Variants in MCMBP observed in about 807,000 individuals in gnomAD.
The protein encoded by MCMBP is minichromosome maintenance complex binding protein.
In MCMBP, 31 loss-of-function variants were observed where a neutral mutation model predicts 81.3. That is an observed-to-expected ratio of 0.38 (90% CI 0.29 to 0.51). The LOEUF is 0.51. Ranked by LOEUF, MCMBP falls within the 20% of genes least tolerant of loss-of-function variation. MCMBP has a pLI of 0.87. For missense variants in MCMBP, 645 were observed against 772.1 expected, an observed-to-expected ratio of 0.84 and a Z score of 1.95; for synonymous variants, 267 against 275.9, an observed-to-expected ratio of 0.97 and a Z score of 0.32.
intron 2 of MCMBP, 88 bp from the exon 3 acceptor site, chr10:119,859,269 A>C: frequency 2.7e-6 from 3 of 1,093,590 alleles, no homozygotes; most frequent in Admixed American, 2.4e-5. Context: ...TCCAGACTCA[A>C]ACTGTTACAC....
At chr10:119,835,200 AT>A (rs1355469255) in intron 14 of MCMBP, among the ~76,000 whole-genome samples, 6 of 152,352 alleles carry the variant, frequency 3.9e-5, no homozygotes, top group African/African-American at 1.4e-4. Context: ...TCTTTGTATA[AT>A]ATAATTAAAA....
chr10:119,859,346 A>ATAATT (rs1157807538), intron 2 of MCMBP, among the ~76,000 whole-genome samples, 165 bp from the exon 3 acceptor site: 2 of 152,130 alleles, frequency 1.3e-5, no homozygotes, highest in Admixed American at 1.3e-4. Flanking sequence ...AATGGTCAAT[A>ATAATT]TAATTGCTGG....
chr10:119,860,397 T>G (rs935702547), intron 1 of MCMBP, among the ~76,000 whole-genome samples: 3 of 152,186 alleles, frequency 2.0e-5, no homozygotes, highest in Non-Finnish European at 4.4e-5. Context: ...CATCTCATAT[T>G]TTTTCTGACT....
At chr10:119,841,291 A>C (rs907305852) in intron 10 of MCMBP, among the ~76,000 whole-genome samples, 2 of 152,236 alleles carry the variant, frequency 1.3e-5, no homozygotes, top group African/African-American at 4.8e-5. Flanking sequence ...TCTAAATGGA[A>C]GCTGACAGAG....
upstream of MCMBP, among the ~76,000 whole-genome samples, chr10:119,873,026 C>T (rs1234406591): frequency 2.0e-5 from 3 of 151,838 alleles, no homozygotes; most frequent in Non-Finnish European, 4.4e-5. Context: ...GGCTGCGCAG[C>T]GCGGGGCCCG....
intron 1 of MCMBP, among the ~76,000 whole-genome samples, chr10:119,865,894 A>G (rs1427971191): frequency 6.6e-6 from 1 of 151,464 alleles, no homozygotes; most frequent in Non-Finnish European, 1.5e-5. Context: ...TGGGCAACAT[A>G]GTGAGACCCC....
chr10:119,838,661 A>G lies in MCMBP; in HGVS notation c.1282T>C (p.Leu428=), dbSNP rs12772291. The G allele has an allele frequency of 0.022, 35,935 of 1,613,996 alleles. 456 individuals carry two copies. The highest frequency in any genetic ancestry group is 0.026 in the Non-Finnish European group (31,023 of 1,179,902). The change falls in exon 12 of 16, where the codon TTG becomes CTG. Residue 428 remains leucine (L), a synonymous_variant. Transcript: ENST00000369077. ...TAGTCTTTGTGGGGAATGAATTTCAAATGGTTCATGTTCTCTATAGTCATC... is the reference window on the plus strand; with the variant it reads ...TAGTCTTTGTGGGGAATGAATTTCAGATGGTTCATGTTCTCTATAGTCATC... The part of the protein sequence containing the change: ...LQMTIENMNH[L]KFIPHKDYTA...
chr10:119,849,361 G>T, intron 7 of MCMBP, 64 bp downstream of exon 7: 1 of 1,523,024 alleles, frequency 6.6e-7, no homozygotes, highest in South Asian at 1.2e-5. Flanking sequence ...CAAATGCTCA[G>T]ACACTAAGCT....
chr10:119,831,721 G>GTAGT, intron 15 of MCMBP, 121 bp from the exon 16 acceptor site: 2 of 1,162,852 alleles, frequency 1.7e-6, no homozygotes, highest in Non-Finnish European at 1.2e-6. Context: ...AGACCGTATG[G>GTAGT]TAGTTACACA....
chr10:119,870,042 C>G (rs1853613814), intron 1 of MCMBP, among the ~76,000 whole-genome samples: 1 of 152,238 alleles, frequency 6.6e-6, no homozygotes, highest in Non-Finnish European at 1.5e-5. Context: ...AATAGCCACA[C>G]ATGGCTACTG....
intron 4 of MCMBP, among the ~76,000 whole-genome samples, 170 bp downstream of exon 4, chr10:119,858,714 T>C (rs1339834885): frequency 6.6e-6 from 1 of 152,028 alleles, no homozygotes; most frequent in African/African-American, 2.4e-5. Flanking sequence ...CTTTAGAGGA[T>C]TAAAAAAAAG....
intron 14 of MCMBP, among the ~76,000 whole-genome samples, chr10:119,834,153 G>A (rs1436662309): frequency 2.6e-5 from 4 of 152,146 alleles, no homozygotes; most frequent in African/African-American, 9.7e-5. Context: ...AGAGCAGAGA[G>A]AAATGAGGCA....
chr10:119,837,605 C>T (rs1380286641), intron 12 of MCMBP, among the ~76,000 whole-genome samples: 1 of 152,112 alleles, frequency 6.6e-6, no homozygotes, highest in Non-Finnish European at 1.5e-5. Context: ...AAACCATTTA[C>T]AAACTTTACA....
chr10:119,831,671 T>G, intron 15 of MCMBP, 71 bp from the exon 16 acceptor site: 1 of 1,543,310 alleles, frequency 6.5e-7, no homozygotes, highest in Non-Finnish European at 8.8e-7. Flanking sequence ...TTTTAAGACC[T>G]AGGAATACTT....
At position 119,845,150 on chromosome 10, in the gene MCMBP, A is replaced by T. The variant is rs549834979; in HGVS notation, c.828-1724T>A. Reference sequence around the variant, plus strand: ...AGCAGGAAAGTCATCACAATCAGAAATTGCCAAGATGAACAATCTCATATA... The same window carrying T: ...AGCAGGAAAGTCATCACAATCAGAATTTGCCAAGATGAACAATCTCATATA... On this transcript the variant is annotated intron_variant, in intron 8 of 15. Coordinates refer to ENST00000369077, the MANE Select transcript of MCMBP (RefSeq NM_001256378.2). Among the ~76,000 whole-genome samples, 4 of 152,348 alleles carry T rather than the reference A, an allele frequency of 2.6e-5. No homozygotes were observed. In the East Asian group the frequency reaches 7.7e-4, roughly 29 times the overall value.
Position 119,832,012 on chromosome 10 carries a change from C to T in MCMBP, c.1796G>A (p.Arg599Gln), listed in dbSNP as rs948611795. ...GCAATAATGGACGTGCGCCACTTAC[C>T]GAGCCACCACGAGCAGCTGGTGAAG... ...DDLHQLLVVA[R>Q]CLSLSAGQTT... Residue 599 changes from arginine to glutamine, a missense_variant and splice_region_variant, in exon 15 of 16, where the codon CGG (arginine) becomes CAG (glutamine). Coordinates refer to ENST00000369077, the MANE Select transcript of MCMBP (RefSeq NM_001256378.2). The T allele has an allele frequency of 5.0e-6, 8 of 1,608,504 alleles. No homozygotes were observed. The highest frequency in any genetic ancestry group is 1.1e-5 in the South Asian group (1 of 90,136).
In MCMBP at chr10:119,831,244, C is replaced by A; in HGVS notation, c.*230G>T. ...ATCAAATACTTTTTTTACATCATTA[C>A]TAATTTATATAATTATTATAAAACA... On this transcript the variant is annotated 3_prime_UTR_variant, in exon 16 of 16. Transcript: ENST00000369077. The A allele has an allele frequency of 3.6e-6, 1 of 279,052 alleles. No homozygotes were observed. The highest frequency in any genetic ancestry group is 6.6e-6 in the Non-Finnish European group (1 of 152,032). 17.3% of individuals were successfully genotyped at this position (279,052 alleles called of 1,614,324 possible).
rs527650891 is a variant in MCMBP at position 119,835,689 on chromosome 10, G to T, written c.1558C>A (p.His520Asn). 3.7e-6 allele frequency: 6 copies of T among 1,614,088 alleles called. No homozygotes were observed. Among genetic ancestry groups the T allele is most frequent in the Non-Finnish European group, 5.1e-6 (6 of 1,180,036 alleles). ...GGTGGAATTAGCTGGGGCTGTAAGT[G>T]AATCTGGCAGTCTGCCTGAAAAGAG... ...RSLLPADCQI[H>N]LQPQLIPPNM... Residue 520 changes from histidine (H) to asparagine (N), a missense_variant, in exon 14 of 16, where the codon CAC becomes AAC. By Grantham distance (68) the His-to-Asn change is moderately conservative. Coordinates refer to ENST00000369077, the MANE Select transcript of MCMBP (RefSeq NM_001256378.2).
At chr10:119,862,616 C>G (rs1853300755) in intron 1 of MCMBP, among the ~76,000 whole-genome samples, 1 of 152,184 alleles carries the variant, frequency 6.6e-6, no homozygotes, top group Admixed American at 6.5e-5. Flanking sequence ...AGATTGTCTT[C>G]AGGTTTGACA....
Sources: allele counts gnomAD v4.1 joint callset (sites outside exome capture counted in the v4.1 genomes callset), GRCh38; gene constraint gnomAD v4.1.1; transcripts MANE v1.5; gene names NCBI Gene and HGNC (gene_info 2026-07-23, HGNC 2026-07-21).